The following RBFOX1 variants were observed in gnomAD, a reference collection of about 807,000 sequenced individuals.
The protein encoded by RBFOX1 is RNA binding protein fox-1 homolog 1.
A neutral mutation model predicts 57.7 loss-of-function variants in RBFOX1; 8 were observed. The ratio of observed to expected loss-of-function variants is 0.14; its 90% CI spans 0.08 to 0.25. The LOEUF (loss-of-function observed/expected upper bound fraction) is 0.25. RBFOX1 is among the 10% of genes least tolerant of loss of function. The pLI is 1.00. For synonymous variants in RBFOX1, 326 were observed against 222.4 expected (o/e 1.47, Z -4.15); for missense variants, 611 against 548.5 (o/e 1.11, Z -1.14).
chr16:6,317,022 G>A lies in RBFOX1; in HGVS notation c.-99G>A. ...AACTGGTCAAAGAACTCATGCAAGT[G>A]GAACTTACAGCTTCCTTGATCGGAC... On this transcript the variant is annotated 5_prime_UTR_variant, in exon 2 of 16. Transcript: ENST00000550418. The A allele has an allele frequency of 6.5e-7, 1 of 1,535,478 alleles. No individual in the cohort carries two copies. Among genetic ancestry groups the A allele is most frequent in the Non-Finnish European group, 8.7e-7 (1 of 1,146,504 alleles).
chr16:6,670,719 C>G (rs912021262), intron 3 of RBFOX1, among the ~76,000 whole-genome samples: 1 of 152,072 alleles, frequency 6.6e-6, no homozygotes, highest in Non-Finnish European at 1.5e-5. Flanking sequence ...TCCTTATGGC[C>G]GGGCACGGTG....
chr16:5,346,682 G>A (rs943577774), intron 1 of RBFOX1, among the ~76,000 whole-genome samples: 6 of 152,198 alleles, frequency 3.9e-5, no homozygotes, highest in Non-Finnish European at 7.3e-5. Context: ...AGTGGAGTGA[G>A]ATGAAACAGC....
intron 3 of RBFOX1, among the ~76,000 whole-genome samples, chr16:6,826,016 G>C (rs1186388667): frequency 3.9e-5 from 6 of 152,102 alleles, no homozygotes. Context: ...TGGGTAGGCC[G>C]ACCACATCGT....
chr16:5,769,929 T>C (rs2053921847), intron 3 of RBFOX1, among the ~76,000 whole-genome samples: 1 of 152,114 alleles, frequency 6.6e-6, no homozygotes, highest in African/African-American at 2.4e-5. Flanking sequence ...AAGGATACCT[T>C]GGAAGAAAAT....
intron 4 of RBFOX1, among the ~76,000 whole-genome samples, chr16:7,181,317 A>G (rs2082656768): frequency 6.6e-6 from 1 of 152,094 alleles, no homozygotes; most frequent in Middle Eastern, 3.2e-3. Context: ...AAGAAATTCC[A>G]TGTCATCCTT....
chr16:7,587,665 A>G (rs1460060392), intron 7 of RBFOX1, among the ~76,000 whole-genome samples: 2 of 152,208 alleles, frequency 1.3e-5, no homozygotes, highest in African/African-American at 4.8e-5. Context: ...ATTCTGTATT[A>G]ATAAAGTGCA....
chr16:7,231,163 A>C (rs1313903903), intron 4 of RBFOX1, among the ~76,000 whole-genome samples: 1 of 152,194 alleles, frequency 6.6e-6, no homozygotes, highest in East Asian at 1.9e-4. Context: ...AGAGACCACT[A>C]TAGCTTAAAA....
chr16:5,335,208 T>G (rs945702124), intron 1 of RBFOX1, among the ~76,000 whole-genome samples: 1 of 151,814 alleles, frequency 6.6e-6, no homozygotes, highest in African/African-American at 2.4e-5. Context: ...TTGGGTTCTT[T>G]ATCTTTTTTC....
At chr16:6,938,210 G>A (rs1370540263) in intron 3 of RBFOX1, among the ~76,000 whole-genome samples, 1 of 152,142 alleles carries the variant, frequency 6.6e-6, no homozygotes, top group Non-Finnish European at 1.5e-5. Flanking sequence ...ATCTGTCATT[G>A]TCCAGATTAG....
chr16:5,406,640 G>GTA (rs1204181724), intron 1 of RBFOX1, among the ~76,000 whole-genome samples: 1 of 151,910 alleles, frequency 6.6e-6, no homozygotes, highest in African/African-American at 2.4e-5. Flanking sequence ...ATGCATGTGT[G>GTA]TATATATATA....
intron 3 of RBFOX1, among the ~76,000 whole-genome samples, chr16:6,857,588 G>A (rs551464058): frequency 5.3e-5 from 8 of 152,118 alleles, no homozygotes; most frequent in Non-Finnish European, 8.8e-5. Flanking sequence ...TTTAATCGCC[G>A]TAGCTCTTTG....
intron 3 of RBFOX1, among the ~76,000 whole-genome samples, chr16:6,869,091 G>C (rs1289869305): frequency 6.6e-6 from 1 of 152,088 alleles, no homozygotes; most frequent in South Asian, 2.1e-4. Context: ...ACTAACTTCA[G>C]GGGCTGTTTA....
At chr16:5,856,188 T>TATATATATATATATATATAC in intron 3 of RBFOX1, among the ~76,000 whole-genome samples, 2 of 37,998 alleles carry the variant, frequency 5.3e-5, no homozygotes, top group African/African-American at 8.6e-5. Flanking sequence ...TCTCTCTCTC[T>TATATATATATATATATATAC]ATATATATAT....
At chr16:7,084,686 C>G (rs74008721) in intron 4 of RBFOX1, among the ~76,000 whole-genome samples, 3,311 of 152,250 alleles carry the variant, frequency 0.022, 120 homozygotes, top group African/African-American at 0.073. Flanking sequence ...CTCACTTGCC[C>G]TAAGTGAAAT....
At chr16:7,172,193 A>G (rs977802961) in intron 4 of RBFOX1, among the ~76,000 whole-genome samples, 3 of 152,194 alleles carry the variant, frequency 2.0e-5, no homozygotes, top group Admixed American at 6.5e-5. Context: ...GAATGAGCCA[A>G]TAATTCCATA....
At chr16:7,196,151 C>T (rs980452856) in intron 4 of RBFOX1, among the ~76,000 whole-genome samples, 1 of 152,134 alleles carries the variant, frequency 6.6e-6, no homozygotes, top group Non-Finnish European at 1.5e-5. Context: ...AGTAAAGGAA[C>T]AGGCTTGGCC....
chr16:7,479,115 G>GT (rs56121631), intron 4 of RBFOX1, among the ~76,000 whole-genome samples: 125,876 of 144,340 alleles, frequency 0.87, 56,159 homozygotes, highest in East Asian at 0.97. Context: ...ACCCAGTTTT[G>GT]TTTTTTTTTT....
intron 3 of RBFOX1, among the ~76,000 whole-genome samples, chr16:6,815,708 C>G (rs7498725): frequency 0.35 from 53,637 of 152,012 alleles, 10,365 homozygotes; most frequent in Non-Finnish European, 0.44. Context: ...AGAACACACA[C>G]TTAACCATTA....
At chr16:6,791,227 G>C (rs2082880912) in intron 3 of RBFOX1, among the ~76,000 whole-genome samples, 1 of 152,174 alleles carries the variant, frequency 6.6e-6, no homozygotes, top group African/African-American at 2.4e-5. Context: ...TATCTTTATA[G>C]AGTTGGCAGA....
Sources: allele counts gnomAD v4.1 joint callset (sites outside exome capture counted in the v4.1 genomes callset), GRCh38; gene constraint gnomAD v4.1.1; transcripts MANE v1.5; gene names NCBI Gene and HGNC (gene_info 2026-07-23, HGNC 2026-07-21).